Variants in CCDC178 observed in about 807,000 individuals in gnomAD.
The protein encoded by CCDC178 is coiled-coil domain containing 178.
In CCDC178, 126 loss-of-function variants were observed where a neutral mutation model predicts 117.4. That is an observed-to-expected ratio of 1.07 (90% CI 0.93 to 1.24). CCDC178 has a LOEUF of 1.24. Among genes scored for constraint, CCDC178 ranks in the 50% most tolerant of loss-of-function variants. The pLI, the probability that CCDC178 is intolerant of heterozygous loss-of-function variation, is 0.00. For missense variants in CCDC178, 1,030 were observed against 986.9 expected (o/e 1.04, Z -0.59); for synonymous variants, 283 against 313.4 (o/e 0.90, Z 1.02).
chr18:33,334,743 A>G lies in CCDC178; in HGVS notation c.659-1349T>C, dbSNP rs149524561. Among the ~76,000 whole-genome samples, 1,322 of 152,056 alleles carry G rather than the reference A, an allele frequency of 8.7e-3. 6 individuals are homozygous for G. The highest frequency in any genetic ancestry group is 0.012 in the Admixed American group (188 of 15,284). On this transcript the variant is annotated intron_variant, in intron 9 of 22. Transcript: ENST00000383096. Reference sequence around the variant, plus strand: ...AGTTTCTTTTGATTTCTTTTCTCTAAGATGTTGTGGAAGTTTGAAATTGCA... The same window carrying G: ...AGTTTCTTTTGATTTCTTTTCTCTAGGATGTTGTGGAAGTTTGAAATTGCA...
chr18:33,379,100 TATATATATATTTCCATATATATATA>T (rs71159827), intron 5 of CCDC178, among the ~76,000 whole-genome samples: 108,897 of 124,656 alleles, frequency 0.87, 48,832 homozygotes, highest in Non-Finnish European at 0.97. Flanking sequence ...CTTTGCCGTA[TATATATATATTTCCATATATATATA>T]ATATATATAT....
intron 20 of CCDC178, among the ~76,000 whole-genome samples, chr18:33,209,262 G>C (rs982373385): frequency 6.6e-6 from 1 of 152,006 alleles, no homozygotes; most frequent in African/African-American, 2.4e-5. Flanking sequence ...CTACTGAAGA[G>C]AGATCAAATT....
At chr18:33,332,536 A>T (rs1357299324) in intron 10 of CCDC178, among the ~76,000 whole-genome samples, 1 of 150,142 alleles carries the variant, frequency 6.7e-6, no homozygotes, top group African/African-American at 2.5e-5. Flanking sequence ...ATTATGGCTT[A>T]AAAAAAAACC....
intron 21 of CCDC178, among the ~76,000 whole-genome samples, chr18:33,085,068 C>A (rs1233636071): frequency 2.6e-5 from 4 of 152,118 alleles, no homozygotes; most frequent in Non-Finnish European, 4.4e-5. Flanking sequence ...ACCCATAATT[C>A]ATCCCATATT....
At chr18:33,332,386 C>T (rs1419412440) in intron 10 of CCDC178, among the ~76,000 whole-genome samples, 1 of 151,952 alleles carries the variant, frequency 6.6e-6, no homozygotes, top group South Asian at 2.1e-4. Context: ...CATTTTGTGA[C>T]AATTATCAAT....
In CCDC178 at chr18:32,962,763, A is replaced by C. The variant is rs1489807547; in HGVS notation, c.2523+11784T>G. 2.0e-5 allele frequency among the ~76,000 whole-genome samples: 3 copies of C among 151,802 alleles called. No homozygotes were observed. The East Asian group carries it at 5.8e-4, about 29-fold the overall frequency. ...GGTTCTTTGAATTAATTGGATCTAT[A>C]ATTTATGTTTTTCACCAAAATGGCC... On this transcript the variant is annotated intron_variant, in intron 22 of 22. Transcript: ENST00000383096.
At chr18:33,247,686 T>C (rs570138087) in intron 14 of CCDC178, among the ~76,000 whole-genome samples, 68 of 152,046 alleles carry the variant, frequency 4.5e-4, no homozygotes, top group Non-Finnish European at 5.9e-5. Context: ...TGCATATTTG[T>C]GCTTGTGTAA....
chr18:33,049,601 T>C (rs950935557), intron 21 of CCDC178, among the ~76,000 whole-genome samples: 4 of 152,204 alleles, frequency 2.6e-5, no homozygotes, highest in Non-Finnish European at 5.9e-5. Context: ...TTCTTGAATA[T>C]GCTGGAAGTT....
At chr18:33,421,018 G>A (rs1417424467) in intron 2 of CCDC178, among the ~76,000 whole-genome samples, 1 of 152,134 alleles carries the variant, frequency 6.6e-6, no homozygotes, top group Non-Finnish European at 1.5e-5. Context: ...AGAGGAGATG[G>A]TGTGGAAGTG....
chr18:33,328,184 C>T (rs1432319133), intron 10 of CCDC178: 2 of 273,460 alleles, frequency 7.3e-6, no homozygotes, highest in Non-Finnish European at 1.4e-5. Flanking sequence ...TCACTGCAAC[C>T]CCCGCCCCAC....
chr18:33,116,852 T>C (rs2057863949), intron 20 of CCDC178, among the ~76,000 whole-genome samples: 2 of 118,876 alleles, frequency 1.7e-5, no homozygotes, highest in East Asian at 2.3e-4. Flanking sequence ...TCCTATATTA[T>C]ATGCAGACAT....
At chr18:33,333,666 C>A (rs916083652) in intron 9 of CCDC178, among the ~76,000 whole-genome samples, 1 of 151,868 alleles carries the variant, frequency 6.6e-6, no homozygotes, top group Non-Finnish European at 1.5e-5. Flanking sequence ...GCATGTGCCA[C>A]CATGTCTGGC....
At chr18:33,422,102 A>T (rs921886340) in intron 2 of CCDC178, among the ~76,000 whole-genome samples, 7 of 152,116 alleles carry the variant, frequency 4.6e-5, no homozygotes, top group Non-Finnish European at 4.4e-5. Context: ...TGTGCTAGGG[A>T]GCTCATACAT....
At chr18:33,128,689 A>G (rs1013614901) in intron 20 of CCDC178, among the ~76,000 whole-genome samples, 5 of 152,196 alleles carry the variant, frequency 3.3e-5, no homozygotes, top group Non-Finnish European at 7.3e-5. Flanking sequence ...AATTGAAGGT[A>G]ATAAAGTCCC....
intron 20 of CCDC178, among the ~76,000 whole-genome samples, chr18:33,101,890 C>T (rs969242171): frequency 2.0e-5 from 3 of 151,920 alleles, no homozygotes; most frequent in African/African-American, 4.8e-5. Flanking sequence ...TGCCACTTTA[C>T]ATTTGTAGAA....
chr18:32,982,287 T>G (rs2055169568), intron 21 of CCDC178, among the ~76,000 whole-genome samples: 1 of 152,156 alleles, frequency 6.6e-6, no homozygotes, highest in African/African-American at 2.4e-5. Context: ...GAATTTCTCC[T>G]TATAAGAATC....
intron 2 of CCDC178, among the ~76,000 whole-genome samples, chr18:33,425,157 T>A (rs923648550): frequency 6.6e-6 from 1 of 152,108 alleles, no homozygotes; most frequent in Admixed American, 6.6e-5. Context: ...TAAACCCCTA[T>A]GCAAGGTTAA....
chr18:33,393,841 T>G (rs2063594945), intron 4 of CCDC178, among the ~76,000 whole-genome samples: 1 of 152,116 alleles, frequency 6.6e-6, no homozygotes, highest in Non-Finnish European at 1.5e-5. Flanking sequence ...TTCTGTTTGT[T>G]AAATGAGTGT....
intron 11 of CCDC178, among the ~76,000 whole-genome samples, chr18:33,310,756 A>G (rs552558626): frequency 6.6e-6 from 1 of 152,294 alleles, no homozygotes; most frequent in East Asian, 1.9e-4. Flanking sequence ...TTAAGGTATT[A>G]TTTTACTGTC....
Sources: allele counts gnomAD v4.1 joint callset (sites outside exome capture counted in the v4.1 genomes callset), GRCh38; gene constraint gnomAD v4.1.1; transcripts MANE v1.5; gene names NCBI Gene and HGNC (gene_info 2026-07-23, HGNC 2026-07-21).